Variants in EIF4E3 observed in about 807,000 individuals in gnomAD.
The protein encoded by EIF4E3 is eukaryotic translation initiation factor 4E family member 3, also known as eukaryotic translation initiation factor 4E type 3.
EIF4E3 carries 26 observed loss-of-function variants against 31.7 expected under a neutral mutation model. The observed-to-expected ratio is 0.82, with a 90% confidence interval of 0.60 to 1.14. The LOEUF is 1.14. Among genes scored for constraint, EIF4E3 ranks in the 50% most tolerant of loss-of-function variants. The pLI, the probability that EIF4E3 is intolerant of heterozygous loss-of-function variation, is 0.00. For synonymous variants in EIF4E3, 128 were observed against 107.7 expected, an observed-to-expected ratio of 1.19 and a Z score of -1.17; for missense variants, 304 against 270.9, an observed-to-expected ratio of 1.12 and a Z score of -0.86.
Position 71,687,877 on chromosome 3 carries a change from C to T in EIF4E3, c.628+2133G>A, listed in dbSNP as rs144175366. 2.5e-3 allele frequency among the ~76,000 whole-genome samples: 379 copies of T among 152,310 alleles called. 1 individual carries two copies. The highest frequency in any genetic ancestry group is 8.6e-3 in the African/African-American group (359 of 41,570). ...AACCAGAGTAAAAGCATACATTGGCCATTTCTAACTTAGCTTACCCTGCTG... is the reference window on the plus strand; with the variant it reads ...AACCAGAGTAAAAGCATACATTGGCTATTTCTAACTTAGCTTACCCTGCTG... On this transcript the variant is annotated intron_variant, in intron 6 of 6. Transcript: ENST00000425534.
intron 1 of EIF4E3, among the ~76,000 whole-genome samples, chr3:71,738,832 C>G (rs1266108198): frequency 6.6e-6 from 1 of 151,152 alleles, no homozygotes; most frequent in Non-Finnish European, 1.5e-5. Flanking sequence ...AGCACTTTAG[C>G]AGAACACAAT....
rs960506927 is a variant in EIF4E3 at position 71,679,797 on chromosome 3, C to T, written c.*4885G>A. On this transcript the variant is annotated 3_prime_UTR_variant, in exon 7 of 7. Transcript: ENST00000425534. ...TTAGTGGAAATTCATTCCCAGGCTACTTTGATAGTCATTTGAACAGTTTTG... is the reference window on the plus strand; with the variant it reads ...TTAGTGGAAATTCATTCCCAGGCTATTTTGATAGTCATTTGAACAGTTTTG... 4 of 152,146 alleles carry T rather than the reference C, an allele frequency of 2.6e-5. No homozygotes were observed. Among genetic ancestry groups the T allele is most frequent in the African/African-American group, 9.7e-5 (4 of 41,430 alleles). The allele number at this position is 152,146 out of a possible 1,614,324, so 9.4% of individuals were successfully genotyped here. A position where few individuals can be genotyped will look rare whatever the true frequency, so the allele number is the denominator to read the frequency against.
chr3:71,723,579 A>G (rs1265016545), intron 1 of EIF4E3, among the ~76,000 whole-genome samples: 3 of 152,218 alleles, frequency 2.0e-5, no homozygotes, highest in Non-Finnish European at 4.4e-5. Context: ...ACCAGTCCTT[A>G]AAAGTGTTGT....
At chr3:71,742,729 A>C (rs1269514684) in intron 1 of EIF4E3, among the ~76,000 whole-genome samples, 1 of 152,176 alleles carries the variant, frequency 6.6e-6, no homozygotes, top group African/African-American at 2.4e-5. Flanking sequence ...TAAAAATTCA[A>C]AACAAAATTT....
At position 71,696,487 on chromosome 3, in the gene EIF4E3, C is replaced by T; in HGVS notation, c.378G>A (p.Trp126Ter). The change falls in exon 4 of 7, where the codon TGG (tryptophan) becomes TGA (stop). Residue 126 changes from tryptophan to a stop codon, truncating the protein, a stop_gained. Transcript: ENST00000425534. LOFTEE classifies it high-confidence loss of function. ...TGCTGTCCTTGGGGACTTTCATCTT[C>T]CATACGCCACCCTTTGCATTACTCT... ...EEESNAKGGV[W>*]KMKVPKDSTS... 6.2e-7 allele frequency: 1 copy of T among 1,614,138 alleles called. No homozygotes were observed. The highest frequency in any genetic ancestry group is 8.5e-7 in the Non-Finnish European group (1 of 1,180,030).
intron 1 of EIF4E3, among the ~76,000 whole-genome samples, chr3:71,715,909 T>C (rs2049457143): frequency 6.6e-6 from 1 of 152,210 alleles, no homozygotes; most frequent in Non-Finnish European, 1.5e-5. Context: ...AAGTAGCAGG[T>C]CTGGGTTCTT....
intron 6 of EIF4E3, among the ~76,000 whole-genome samples, chr3:71,687,677 A>G (rs1265934536): frequency 6.6e-6 from 1 of 152,174 alleles, no homozygotes; most frequent in Non-Finnish European, 1.5e-5. Context: ...GTGCATTGTG[A>G]GTTTCTCAGT....
At chr3:71,754,182 C>G, upstream of EIF4E3, 1 of 1,440,802 alleles carries the variant, frequency 6.9e-7, no homozygotes, top group Admixed American at 2.0e-5. The surrounding 1 kb of genome is among the most constrained non-coding windows in gnomAD (Gnocchi z 5.8). Context: ...GCTGATCGTG[C>G]GGGAGCGCAG....
chr3:71,696,915 T>C (rs2049146313), intron 3 of EIF4E3, among the ~76,000 whole-genome samples: 1 of 151,952 alleles, frequency 6.6e-6, no homozygotes, highest in African/African-American at 2.4e-5. Context: ...AGACGGGATT[T>C]CACTGTGTTA....
At chr3:71,718,364 A>G (rs1434835048) in intron 1 of EIF4E3, among the ~76,000 whole-genome samples, 1 of 152,258 alleles carries the variant, frequency 6.6e-6, no homozygotes, top group Non-Finnish European at 1.5e-5. Flanking sequence ...TACTGAAAAT[A>G]TATACATCAT....
intron 1 of EIF4E3, among the ~76,000 whole-genome samples, chr3:71,713,597 C>T (rs955095499): frequency 7.2e-5 from 11 of 152,062 alleles, no homozygotes; most frequent in Admixed American, 2.0e-4. Context: ...TCACCACAGC[C>T]AGCTAATTTT....
rs939282972 is a variant in EIF4E3, at chr3:71,678,938, G to A, written c.*5744C>T. 6.6e-6 allele frequency: 1 copy of A among 152,064 alleles called. No individual in the cohort carries two copies. The highest frequency in any genetic ancestry group is 1.9e-4 in the East Asian group (1 of 5,204). 9.4% of individuals were successfully genotyped at this position (152,064 alleles called of 1,614,324 possible). On this transcript the variant is annotated 3_prime_UTR_variant, in exon 7 of 7. Transcript: ENST00000425534. ...ATAATCATTGAAATAAATTCTCCAT[G>A]AGAATATATTCAAAGTCATGGTGAC...
chr3:71,750,379 A>G (rs2049914567), intron 1 of EIF4E3, among the ~76,000 whole-genome samples: 1 of 152,230 alleles, frequency 6.6e-6, no homozygotes, highest in Non-Finnish European at 1.5e-5. Flanking sequence ...GTAGTGACCT[A>G]GGAGTGGGAG....
chr3:71,703,688 T>G (rs1294151887), intron 2 of EIF4E3, among the ~76,000 whole-genome samples: 1 of 152,090 alleles, frequency 6.6e-6, no homozygotes, highest in Non-Finnish European at 1.5e-5. Context: ...TGAAATGTTC[T>G]GAAGAAAAAG....
intron 1 of EIF4E3, among the ~76,000 whole-genome samples, chr3:71,746,241 C>CA (rs2049871310): frequency 6.6e-6 from 1 of 152,212 alleles, no homozygotes. Flanking sequence ...CAAGGCTCCT[C>CA]ATCTGTCAAA....
intron 6 of EIF4E3, among the ~76,000 whole-genome samples, chr3:71,689,795 C>T (rs2049037738): frequency 1.3e-5 from 2 of 150,912 alleles, no homozygotes; most frequent in Non-Finnish European, 2.9e-5. Flanking sequence ...TTTTCTGATC[C>T]ACGCAGTTAG....
the EIF4E3 span, among the ~76,000 whole-genome samples, chr3:71,669,550 A>G: frequency 6.6e-6 from 1 of 152,204 alleles, no homozygotes; most frequent in Non-Finnish European, 1.5e-5. Flanking sequence ...AAATATACAA[A>G]TGGATACGTT....
chr3:71,666,640 A>G, the EIF4E3 span, among the ~76,000 whole-genome samples: 8 of 152,230 alleles, frequency 5.3e-5, no homozygotes, highest in African/African-American at 1.7e-4. Context: ...AGACACAACA[A>G]AAAAAGAGAA....
chr3:71,696,262 A>G (rs2049134286), intron 4 of EIF4E3, among the ~76,000 whole-genome samples, 198 bp downstream of exon 4: 2 of 152,248 alleles, frequency 1.3e-5, no homozygotes, highest in African/African-American at 4.8e-5. Flanking sequence ...CACCACGTCT[A>G]TAGAGAAGCA....
Sources: allele counts gnomAD v4.1 joint callset (sites outside exome capture counted in the v4.1 genomes callset), GRCh38; gene constraint gnomAD v4.1.1; non-coding constraint Gnocchi (gnomAD v3.1); transcripts MANE v1.5; gene names NCBI Gene and HGNC (gene_info 2026-07-23, HGNC 2026-07-21).